Variants in NRG3 observed in about 807,000 individuals in gnomAD.
NRG3 encodes neuregulin 3, also known as pro-neuregulin-3, membrane-bound isoform.
In NRG3, 31 loss-of-function variants were observed where a neutral mutation model predicts 66.9. The observed-to-expected ratio is 0.46, with a 90% CI of 0.35 to 0.63. The LOEUF is 0.63. Among genes scored for constraint, NRG3 ranks in the 20% least tolerant of loss-of-function variants. The pLI, the probability that NRG3 is intolerant of heterozygous loss-of-function variation, is 0.00. For missense variants in NRG3, 910 were observed against 878.9 expected (o/e 1.04, Z -0.45); for synonymous variants, 393 against 359.4 (o/e 1.09, Z -1.06).
At chr10:81,890,743 T>A (rs781417420) in intron 1 of NRG3, among the ~76,000 whole-genome samples, 5 of 152,236 alleles carry the variant, frequency 3.3e-5, no homozygotes, top group Middle Eastern at 3.2e-3. Flanking sequence ...AGTGTCTTTA[T>A]GTATTGCACT....
intron 1 of NRG3, among the ~76,000 whole-genome samples, chr10:82,070,638 C>T (rs1298331671): frequency 6.6e-6 from 1 of 151,514 alleles, no homozygotes; most frequent in Non-Finnish European, 1.5e-5. Flanking sequence ...TAAATAAAAG[C>T]TCATAGTTTA....
chr10:82,116,795 C>A (rs928495963), intron 1 of NRG3, among the ~76,000 whole-genome samples: 1 of 152,134 alleles, frequency 6.6e-6, no homozygotes, highest in Non-Finnish European at 1.5e-5. Flanking sequence ...CCATCTCCCT[C>A]ATCTTCCTGC....
At chr10:82,124,468 A>T (rs989702725) in intron 1 of NRG3, among the ~76,000 whole-genome samples, 1 of 152,052 alleles carries the variant, frequency 6.6e-6, no homozygotes, top group African/African-American at 2.4e-5. Context: ...TGGCTAACAC[A>T]GGAACAGAAA....
intron 2 of NRG3, among the ~76,000 whole-genome samples, chr10:82,398,973 A>G (rs910943617): frequency 1.3e-5 from 2 of 152,194 alleles, no homozygotes; most frequent in African/African-American, 4.8e-5. Flanking sequence ...AAAGGATTTA[A>G]TGCAAGACTG....
intron 1 of NRG3, among the ~76,000 whole-genome samples, chr10:82,165,183 G>A (rs1263486877): frequency 6.6e-6 from 1 of 151,980 alleles, no homozygotes; most frequent in Non-Finnish European, 1.5e-5. Context: ...TATAAATGTG[G>A]TAGCTTTTCA....
At chr10:82,026,046 C>A (rs1185411577) in intron 1 of NRG3, among the ~76,000 whole-genome samples, 1 of 151,996 alleles carries the variant, frequency 6.6e-6, no homozygotes, top group Non-Finnish European at 1.5e-5. Context: ...AATAATCAAG[C>A]CCTTATAAGA....
At chr10:81,898,560 C>A (rs986819925) in intron 1 of NRG3, among the ~76,000 whole-genome samples, 1 of 152,158 alleles carries the variant, frequency 6.6e-6, no homozygotes, top group East Asian at 1.9e-4. Context: ...TAGTATGGGA[C>A]CCAGGGTTAT....
At chr10:82,318,492 TC>T (rs1221760708) in intron 1 of NRG3, among the ~76,000 whole-genome samples, 1 of 152,196 alleles carries the variant, frequency 6.6e-6, no homozygotes, top group African/African-American at 2.4e-5. Context: ...TAATCCAAAC[TC>T]AACAGGGCAT....
intron 6 of NRG3, among the ~76,000 whole-genome samples, chr10:82,973,162 G>C (rs1564681766): frequency 6.6e-6 from 1 of 152,106 alleles, no homozygotes. Context: ...AAATTTTTCT[G>C]AAGTTGTCAT....
chr10:82,390,527 C>T (rs143196838), intron 2 of NRG3, among the ~76,000 whole-genome samples: 254 of 152,050 alleles, frequency 1.7e-3, no homozygotes, highest in Middle Eastern at 6.8e-3. Flanking sequence ...CTGATTTGCC[C>T]GTGACACTCA....
At chr10:82,044,691 G>C (rs377154749) in intron 1 of NRG3, among the ~76,000 whole-genome samples, 1 of 151,680 alleles carries the variant, frequency 6.6e-6, no homozygotes, top group Non-Finnish European at 1.5e-5. Context: ...TCTTCATTTA[G>C]CATTAGGTAT....
intron 3 of NRG3, among the ~76,000 whole-genome samples, chr10:82,762,442 C>CAT (rs1419508763): frequency 6.6e-6 from 1 of 152,126 alleles, no homozygotes; most frequent in Non-Finnish European, 1.5e-5. Flanking sequence ...TACTTTAAAG[C>CAT]ATAGGCCATA....
intron 2 of NRG3, among the ~76,000 whole-genome samples, chr10:82,429,931 T>C (rs1042613529): frequency 2.0e-5 from 3 of 152,194 alleles, no homozygotes; most frequent in African/African-American, 7.2e-5. Flanking sequence ...GAATTTTTAT[T>C]TCAATAATTG....
At chr10:82,404,480 G>C (rs1197813031) in intron 2 of NRG3, among the ~76,000 whole-genome samples, 1 of 152,168 alleles carries the variant, frequency 6.6e-6, no homozygotes, top group East Asian at 1.9e-4. Context: ...TGACTAAATA[G>C]AGAAGCTGCG....
intron 4 of NRG3, among the ~76,000 whole-genome samples, chr10:82,940,826 G>T (rs1431523916): frequency 6.6e-6 from 1 of 151,968 alleles, no homozygotes; most frequent in East Asian, 1.9e-4. Context: ...CTTCCCAAAA[G>T]CCCCACCTCT....
At chr10:82,020,209 A>C (rs1317431532) in intron 1 of NRG3, among the ~76,000 whole-genome samples, 2 of 152,186 alleles carry the variant, frequency 1.3e-5, no homozygotes, top group Non-Finnish European at 2.9e-5. Context: ...TGTGTCAATC[A>C]GAACAGAGCC....
intron 1 of NRG3, among the ~76,000 whole-genome samples, chr10:82,003,514 C>T (rs1051697333): frequency 1.3e-4 from 20 of 152,004 alleles, no homozygotes; most frequent in South Asian, 8.3e-4. Flanking sequence ...AGGAGTGAAC[C>T]GTGAGGTTGC....
At chr10:82,046,194 C>A (rs1487764098) in intron 1 of NRG3, among the ~76,000 whole-genome samples, 1 of 148,286 alleles carries the variant, frequency 6.7e-6, no homozygotes, top group South Asian at 2.3e-4. Context: ...TTCTTCTTAC[C>A]CATGAGCATG....
At chr10:82,348,970 T>C (rs542716250) in intron 1 of NRG3, among the ~76,000 whole-genome samples, 6,734 of 150,402 alleles carry the variant, frequency 0.045, 496 homozygotes, top group African/African-American at 0.15. Flanking sequence ...TACATTCTTC[T>C]AAATTTTTTT....
Sources: allele counts gnomAD v4.1 joint callset (sites outside exome capture counted in the v4.1 genomes callset), GRCh38; gene constraint gnomAD v4.1.1; transcripts MANE v1.5; gene names NCBI Gene and HGNC (gene_info 2026-07-23, HGNC 2026-07-21).